The following CLSTN2 variants were observed in gnomAD, a reference collection of about 807,000 sequenced individuals.
The protein encoded by CLSTN2 is calsyntenin 2.
CLSTN2 carries 48 observed loss-of-function variants against 101.2 expected under a neutral mutation model. The observed-to-expected ratio is 0.47, with a 90% confidence interval of 0.38 to 0.60. The LOEUF (loss-of-function observed/expected upper bound fraction) is 0.60. Among genes scored for constraint, CLSTN2 ranks in the 20% least tolerant of loss-of-function variants. CLSTN2 has a pLI of 0.00. For missense variants in CLSTN2, 1,160 were observed against 1,238.2 expected, an observed-to-expected ratio of 0.94 and a Z score of 0.95; for synonymous variants, 481 against 463.6, an observed-to-expected ratio of 1.04 and a Z score of -0.48.
chr3:140,207,382 T>C (rs1403296491), intron 2 of CLSTN2, among the ~76,000 whole-genome samples: 1 of 152,228 alleles, frequency 6.6e-6, no homozygotes, highest in Non-Finnish European at 1.5e-5. Flanking sequence ...TTATATTTTC[T>C]GTCTTAATGG....
rs965456599 is a variant in CLSTN2, at chr3:140,223,710, A to G, written c.232+47637A>G. 2.0e-5 allele frequency among the ~76,000 whole-genome samples: 3 copies of G among 152,146 alleles called. No homozygotes were observed. In the South Asian group the frequency reaches 6.2e-4, roughly 32 times the overall value. Reference sequence around the variant, plus strand: ...CTACTGTGCTAAAATAAATACTTCTAACTTCCTTTTTGGAAACCATAGCAA... The same window carrying G: ...CTACTGTGCTAAAATAAATACTTCTGACTTCCTTTTTGGAAACCATAGCAA... On this transcript the variant is annotated intron_variant, in intron 2 of 16. Transcript: ENST00000458420.
chr3:140,439,025 G>T (rs1201213370), intron 5 of CLSTN2, among the ~76,000 whole-genome samples: 2 of 152,242 alleles, frequency 1.3e-5, no homozygotes, highest in Non-Finnish European at 2.9e-5. Flanking sequence ...GGAAAGGAGG[G>T]CTTGGCACAG....
intron 2 of CLSTN2, among the ~76,000 whole-genome samples, chr3:140,208,428 T>G (rs2010811485): frequency 6.6e-6 from 1 of 152,358 alleles, no homozygotes; most frequent in East Asian, 1.9e-4. Flanking sequence ...CTTTTAATCT[T>G]ACAGTTATGA....
intron 1 of CLSTN2, among the ~76,000 whole-genome samples, chr3:140,165,552 G>T (rs951762279): frequency 2.0e-5 from 3 of 152,132 alleles, no homozygotes; most frequent in African/African-American, 7.2e-5. Flanking sequence ...GAGGGCAACC[G>T]GGGGAGGGGA....
At chr3:140,437,050 G>T (rs1177118992) in intron 5 of CLSTN2, among the ~76,000 whole-genome samples, 7 of 135,130 alleles carry the variant, frequency 5.2e-5, no homozygotes, top group Admixed American at 7.5e-5. Flanking sequence ...GGGAGGTTTG[G>T]TTTTTTTTTT....
intron 5 of CLSTN2, among the ~76,000 whole-genome samples, chr3:140,432,826 C>T (rs1300654854): frequency 6.6e-6 from 1 of 152,168 alleles, no homozygotes; most frequent in African/African-American, 2.4e-5. Context: ...TCACTCATCC[C>T]AAACAGTACT....
At chr3:139,945,430 T>C (rs571161521) in intron 1 of CLSTN2, among the ~76,000 whole-genome samples, 118 of 152,358 alleles carry the variant, frequency 7.7e-4, no homozygotes, top group African/African-American at 2.7e-3. Context: ...ATTTAAGAAA[T>C]CTTCGAGGCT....
intron 8 of CLSTN2, among the ~76,000 whole-genome samples, chr3:140,475,154 C>T (rs1172525354): frequency 7.8e-6 from 1 of 128,776 alleles, no homozygotes; most frequent in East Asian, 2.5e-4. Flanking sequence ...CTATGATTAT[C>T]AGCAAGTGAG....
rs569426509 is a variant in CLSTN2, at chr3:140,575,755, A to G, written c.*9502A>G. The stretch of plus-strand genomic sequence containing the variant: ...TATTCGAGAAATTTGAGTACAAAAT[A>G]TAAATTATCAGAGATGAGTAGGCTA... On this transcript the variant is annotated 3_prime_UTR_variant, in exon 17 of 17. Coordinates refer to ENST00000458420, the MANE Select transcript of CLSTN2 (RefSeq NM_022131.3). The G allele has an allele frequency of 6.6e-5, 10 of 152,310 alleles. No homozygotes were observed. The highest frequency in any genetic ancestry group is 2.4e-4 in the African/African-American group (10 of 41,556). 9.4% of individuals were successfully genotyped at this position (152,310 alleles called of 1,614,324 possible). A position where few individuals can be genotyped will look rare whatever the true frequency, so the allele number is the denominator to read the frequency against.
chr3:140,356,943 T>C (rs1196367681), intron 2 of CLSTN2, among the ~76,000 whole-genome samples: 1 of 152,094 alleles, frequency 6.6e-6, no homozygotes, highest in Non-Finnish European at 1.5e-5. Flanking sequence ...GCCAGTGATA[T>C]AGTTGGCATG....
At chr3:140,092,900 C>T (rs75197626) in intron 1 of CLSTN2, among the ~76,000 whole-genome samples, 1,549 of 152,284 alleles carry the variant, frequency 0.01, 28 homozygotes, top group African/African-American at 0.036. Context: ...GGGTTCTCCT[C>T]GCTAAGCATG....
At position 140,466,327 on chromosome 3, in the gene CLSTN2, G is replaced by A. The variant is rs1933700963; in HGVS notation, c.1223-283G>A. On this transcript the variant is annotated intron_variant, in intron 7 of 16. Transcript: ENST00000458420. ...TTAACCTAAGTAATTTGTACCCTGG[G>A]ACTGATGCAGTATCTGAGTACAAGT... is the stretch of plus-strand genomic sequence containing the variant. Among the ~76,000 whole-genome samples the A allele has an allele frequency of 2.0e-5, 3 of 152,162 alleles. No individual in the cohort carries two copies. The South Asian group carries it at 6.2e-4, about 32-fold the overall frequency.
chr3:140,228,578 T>C (rs1438969800), intron 2 of CLSTN2, among the ~76,000 whole-genome samples: 1 of 152,202 alleles, frequency 6.6e-6, no homozygotes, highest in Admixed American at 6.5e-5. Context: ...CACCCCACTC[T>C]TGTAGTACCA....
At chr3:140,292,363 C>T (rs2107904246) in intron 2 of CLSTN2, among the ~76,000 whole-genome samples, 1 of 152,338 alleles carries the variant, frequency 6.6e-6, no homozygotes, top group African/African-American at 2.4e-5. Context: ...CTGATTCACC[C>T]AGTTAACTAT....
intron 6 of CLSTN2, 80 bp downstream of exon 6, chr3:140,448,784 A>G: frequency 1.6e-6 from 2 of 1,266,596 alleles, no homozygotes; most frequent in Non-Finnish European, 2.2e-6. Flanking sequence ...TTATTGTCTT[A>G]GGCAAGAATC....
At chr3:140,262,350 C>T (rs767322951) in intron 2 of CLSTN2, among the ~76,000 whole-genome samples, 10 of 152,178 alleles carry the variant, frequency 6.6e-5, no homozygotes, top group Non-Finnish European at 1.2e-4. Flanking sequence ...GCTTTCCCAG[C>T]ATGTTCAACT....
chr3:140,138,612 C>T (rs2009650230), intron 1 of CLSTN2, among the ~76,000 whole-genome samples: 3 of 152,330 alleles, frequency 2.0e-5, no homozygotes, highest in African/African-American at 7.2e-5. Context: ...AACATCTTAT[C>T]TTGGAGTTTT....
At chr3:140,348,674 A>T (rs1051440751) in intron 2 of CLSTN2, among the ~76,000 whole-genome samples, 2 of 152,232 alleles carry the variant, frequency 1.3e-5, no homozygotes, top group Non-Finnish European at 2.9e-5. Flanking sequence ...ATAAAATTTC[A>T]TACAAGAAGA....
intron 2 of CLSTN2, among the ~76,000 whole-genome samples, chr3:140,238,821 C>G (rs1576479159): frequency 6.6e-6 from 1 of 152,108 alleles, no homozygotes; most frequent in African/African-American, 2.4e-5. Context: ...TCAAGAATGC[C>G]TCAGAGCCTT....
Sources: allele counts gnomAD v4.1 joint callset (sites outside exome capture counted in the v4.1 genomes callset), GRCh38; gene constraint gnomAD v4.1.1; transcripts MANE v1.5; gene names NCBI Gene and HGNC (gene_info 2026-07-23, HGNC 2026-07-21).